The following RHPN2 variants were observed in gnomAD, a reference collection of about 807,000 sequenced individuals.
RHPN2 encodes rhophilin Rho GTPase binding protein 2, also known as rhophilin-2.
Under a neutral mutation model 79.0 loss-of-function variants are expected in RHPN2, and 40 were observed. The ratio of observed to expected loss-of-function variants is 0.51; its 90% CI spans 0.39 to 0.66. The LOEUF is 0.66. Among genes scored for constraint, RHPN2 ranks in the 30% least tolerant of loss-of-function variants. The pLI, the probability that RHPN2 is intolerant of heterozygous loss-of-function variation, is 0.00. For synonymous variants in RHPN2, 285 were observed against 363.5 expected (o/e 0.78, Z 2.46); for missense variants, 686 against 883.5 (o/e 0.78, Z 2.83).
At chr19:33,035,350 G>A (rs1418249969) in intron 2 of RHPN2, among the ~76,000 whole-genome samples, 1 of 151,664 alleles carries the variant, frequency 6.6e-6, no homozygotes, top group African/African-American at 2.4e-5. Flanking sequence ...GATTCTTGAG[G>A]ATCAGCCTCC....
chr19:32,994,150 C>T lies in RHPN2; in HGVS notation c.1421-97G>A, dbSNP rs576356815. On this transcript the variant is annotated intron_variant, in intron 11 of 14. Transcript: ENST00000254260. ...GTGGCTCACGCCTGTAATCCCAGCA[C>T]TTTGGGAGGCTGAGGCAGGTGGATC... 19 of 865,236 alleles carry T rather than the reference C, an allele frequency of 2.2e-5. No homozygotes were observed. In the East Asian group the frequency reaches 5.0e-4, roughly 23 times the overall value. 53.6% of individuals were successfully genotyped at this position (865,236 alleles called of 1,614,324 possible).
chr19:32,982,201 A>C (rs1971580417), intron 14 of RHPN2, among the ~76,000 whole-genome samples: 1 of 152,082 alleles, frequency 6.6e-6, no homozygotes, highest in South Asian at 2.1e-4. Flanking sequence ...TGAGGCCAGG[A>C]GTTCAAGACC....
intron 9 of RHPN2, among the ~76,000 whole-genome samples, chr19:33,001,788 G>C (rs1461215707): frequency 6.6e-6 from 1 of 152,060 alleles, no homozygotes. Context: ...ATTTTTAGTA[G>C]AGACAGGGTT....
chr19:33,029,325 G>C (rs543984082), intron 2 of RHPN2, among the ~76,000 whole-genome samples: 1 of 151,928 alleles, frequency 6.6e-6, no homozygotes, highest in East Asian at 1.9e-4. Context: ...AGGAGATCGA[G>C]ACCATCCTGG....
intron 2 of RHPN2, among the ~76,000 whole-genome samples, chr19:33,035,561 A>G (rs765915168): frequency 6.6e-6 from 1 of 151,918 alleles, no homozygotes; most frequent in Non-Finnish European, 1.5e-5. Context: ...TCAGAAATCA[A>G]CCCTGGCGTC....
At chr19:33,043,240 T>C (rs1972114811) in intron 2 of RHPN2, among the ~76,000 whole-genome samples, 1 of 150,890 alleles carries the variant, frequency 6.6e-6, no homozygotes, top group South Asian at 2.1e-4. Flanking sequence ...CGAAACTCCA[T>C]CTGAAAAAAA....
At chr19:33,031,541 A>T (rs763946862) in intron 2 of RHPN2, among the ~76,000 whole-genome samples, 14 of 149,372 alleles carry the variant, frequency 9.4e-5, no homozygotes, top group Non-Finnish European at 1.9e-4. Context: ...CACGACGCCC[A>T]GCCTTATTTT....
At chr19:33,044,991 G>T (rs570380112) in intron 1 of RHPN2, among the ~76,000 whole-genome samples, 45 of 151,630 alleles carry the variant, frequency 3.0e-4, no homozygotes, top group African/African-American at 1.1e-3. Flanking sequence ...CATCCTCCAG[G>T]ACAGAAAGGC....
intron 12 of RHPN2, 115 bp downstream of exon 12, chr19:32,993,862 G>GC: frequency 2.5e-6 from 2 of 796,056 alleles, no homozygotes; most frequent in Non-Finnish European, 4.5e-6. Flanking sequence ...GCTGTCATAA[G>GC]CCCCCCAGTT....
chr19:33,059,114 A>G (rs1039387112), intron 1 of RHPN2, among the ~76,000 whole-genome samples: 21 of 151,640 alleles, frequency 1.4e-4, no homozygotes, highest in Admixed American at 6.6e-5. Context: ...TAATAATAAT[A>G]CAAGATGGGA....
chr19:33,042,115 G>A (rs1490186132), intron 2 of RHPN2, among the ~76,000 whole-genome samples: 2 of 151,710 alleles, frequency 1.3e-5, no homozygotes, highest in Non-Finnish European at 2.9e-5. Context: ...CTTGAACATG[G>A]GAGGCAGAGG....
At chr19:33,046,584 T>C (rs772705741) in intron 1 of RHPN2, among the ~76,000 whole-genome samples, 11 of 152,138 alleles carry the variant, frequency 7.2e-5, no homozygotes, top group Admixed American at 2.0e-4. Flanking sequence ...TATGATTTAT[T>C]CTATGTTTAA....
chr19:33,053,380 A>C (rs1001043117), intron 1 of RHPN2, among the ~76,000 whole-genome samples: 2 of 150,008 alleles, frequency 1.3e-5, no homozygotes, highest in Admixed American at 1.3e-4. Flanking sequence ...TGATCTGCTT[A>C]TTTCAACTGG....
chr19:33,018,192 A>T (rs1971893359), intron 4 of RHPN2, among the ~76,000 whole-genome samples: 1 of 151,000 alleles, frequency 6.6e-6, no homozygotes, highest in Admixed American at 6.6e-5. Flanking sequence ...AGTTGGCCAT[A>T]GTGGTGCATG....
intron 2 of RHPN2, among the ~76,000 whole-genome samples, chr19:33,028,156 C>CTTTTT (rs36036417): frequency 7.0e-6 from 1 of 142,050 alleles, no homozygotes; most frequent in African/African-American, 2.6e-5. Flanking sequence ...AAAATCAATT[C>CTTTTT]TTTTTTTTTT....
intron 1 of RHPN2, among the ~76,000 whole-genome samples, chr19:33,058,083 C>T (rs1972248896): frequency 1.3e-5 from 2 of 152,062 alleles, no homozygotes; most frequent in African/African-American, 4.8e-5. Flanking sequence ...TTGCTTGAAC[C>T]CCGGAGGCGG....
chr19:33,051,145 C>T (rs948246917), intron 1 of RHPN2, among the ~76,000 whole-genome samples: 1 of 152,188 alleles, frequency 6.6e-6, no homozygotes, highest in Non-Finnish European at 1.5e-5. Context: ...GTGCACACCA[C>T]CATGCCCGGC....
intron 10 of RHPN2, among the ~76,000 whole-genome samples, chr19:32,998,071 G>C (rs573244705): frequency 2.2e-4 from 34 of 152,308 alleles, no homozygotes; most frequent in Admixed American, 1.3e-4. Flanking sequence ...GATGTGATCT[G>C]ACCTGCACGA....
chr19:33,059,147 T>A (rs1259260521), intron 1 of RHPN2, among the ~76,000 whole-genome samples: 1 of 151,916 alleles, frequency 6.6e-6, no homozygotes, highest in Admixed American at 6.6e-5. Flanking sequence ...TCTCACTCAC[T>A]GCCCCCGGCT....
Sources: allele counts gnomAD v4.1 joint callset (sites outside exome capture counted in the v4.1 genomes callset), GRCh38; gene constraint gnomAD v4.1.1; transcripts MANE v1.5; gene names NCBI Gene and HGNC (gene_info 2026-07-23, HGNC 2026-07-21).